FHIT: variants seen among roughly 807,000 people sequenced by gnomAD.
FHIT encodes the protein bis(5'-adenosyl)-triphosphatase.
In FHIT, 19 loss-of-function variants were observed where a neutral mutation model predicts 17.9. The ratio of observed to expected loss-of-function variants is 1.06; its 90% confidence interval spans 0.74 to 1.56. The LOEUF (loss-of-function observed/expected upper bound fraction) is 1.56. Among genes scored for constraint, FHIT ranks in the 40% most tolerant of loss-of-function variants. The pLI is 0.00. For synonymous variants in FHIT, 81 were observed against 69.7 expected (o/e 1.16, Z -0.81); for missense variants, 248 against 189.2 (o/e 1.31, Z -1.82).
intron 4 of FHIT, among the ~76,000 whole-genome samples, chr3:60,721,337 A>G (rs565633165): frequency 6.6e-6 from 1 of 152,250 alleles, no homozygotes; most frequent in Admixed American, 6.5e-5. Flanking sequence ...TGTATGTCTC[A>G]CTCATTTTGA....
At chr3:60,186,537 T>C (rs926746853) in intron 5 of FHIT, among the ~76,000 whole-genome samples, 4 of 152,198 alleles carry the variant, frequency 2.6e-5, no homozygotes, top group African/African-American at 9.6e-5. Flanking sequence ...GGCAGGGCAA[T>C]GTCATCACTA....
At chr3:60,929,247 C>T (rs1175446935) in intron 3 of FHIT, among the ~76,000 whole-genome samples, 3 of 152,172 alleles carry the variant, frequency 2.0e-5, no homozygotes, top group Non-Finnish European at 4.4e-5. Flanking sequence ...AAACCCACAG[C>T]CAATATCATA....
chr3:60,730,016 A>G, intron 4 of FHIT: 1 of 366,698 alleles, frequency 2.7e-6, no homozygotes, highest in South Asian at 2.6e-5. Flanking sequence ...GTAAACAGTA[A>G]ACTATGAGTT....
At chr3:60,845,493 C>T (rs782646365) in intron 3 of FHIT, among the ~76,000 whole-genome samples, 5 of 152,060 alleles carry the variant, frequency 3.3e-5, no homozygotes, top group Non-Finnish European at 7.4e-5. Context: ...ATTTTAAGGA[C>T]AGTTGCCATG....
At chr3:59,826,836 C>T (rs1469286526) in intron 8 of FHIT, among the ~76,000 whole-genome samples, 2 of 152,272 alleles carry the variant, frequency 1.3e-5, no homozygotes, top group Non-Finnish European at 2.9e-5. Context: ...TTGATAATTA[C>T]TGCAAGTCTT....
intron 5 of FHIT, among the ~76,000 whole-genome samples, chr3:60,504,443 A>T (rs56360525): frequency 0.015 from 2,132 of 140,380 alleles, 20 homozygotes; most frequent in Non-Finnish European, 0.024. Context: ...AAAAAAAAAA[A>T]TTTTTTTTTT....
chr3:59,789,612 C>G (rs1375174016), intron 8 of FHIT, among the ~76,000 whole-genome samples: 1 of 152,134 alleles, frequency 6.6e-6, no homozygotes, highest in Non-Finnish European at 1.5e-5. Context: ...CTCGTTTTGT[C>G]TTGTGGAAAA....
Position 60,540,227 on chromosome 3 carries a change from A to G in FHIT, c.-17-3248T>C, listed in dbSNP as rs937118645. ...CGCCCTGGGAGAGCATGGAAGTTCC[A>G]TGCTCTTTCCCCCATACCTCACCTT... On this transcript the variant is annotated intron_variant, in intron 4 of 9. Transcript: ENST00000492590. Among the ~76,000 whole-genome samples the G allele has an allele frequency of 7.2e-5, 11 of 152,310 alleles. No homozygotes were observed. In the South Asian group the frequency reaches 1.7e-3, roughly 23 times the overall value.
chr3:60,940,488 T>A (rs1257927905), intron 3 of FHIT, among the ~76,000 whole-genome samples: 3 of 152,146 alleles, frequency 2.0e-5, no homozygotes, highest in East Asian at 1.9e-4. Context: ...CTGGATTTTT[T>A]AAAAATGGGT....
chr3:60,511,631 G>A (rs78655616), intron 5 of FHIT, among the ~76,000 whole-genome samples: 8,853 of 152,140 alleles, frequency 0.058, 527 homozygotes, highest in East Asian at 0.25. Context: ...TAAAATATAT[G>A]TATACATATT....
At chr3:60,323,729 G>A (rs6446120) in intron 5 of FHIT, among the ~76,000 whole-genome samples, 1 of 151,968 alleles carries the variant, frequency 6.6e-6, no homozygotes, top group Non-Finnish European at 1.5e-5. Flanking sequence ...CATTCTATCT[G>A]TACCATAAAT....
intron 4 of FHIT, among the ~76,000 whole-genome samples, chr3:60,655,978 G>A (rs997685849): frequency 6.6e-6 from 1 of 152,162 alleles, no homozygotes; most frequent in Non-Finnish European, 1.5e-5. Context: ...AACAGCCTGG[G>A]TAAACTTATT....
At chr3:60,976,389 G>T (rs534399113) in intron 3 of FHIT, among the ~76,000 whole-genome samples, 1 of 151,916 alleles carries the variant, frequency 6.6e-6, no homozygotes, top group African/African-American at 2.4e-5. Context: ...TTCCAGGCGT[G>T]AGCCACCACA....
intron 2 of FHIT, among the ~76,000 whole-genome samples, chr3:61,137,885 C>T (rs2036962377): frequency 6.6e-6 from 1 of 152,232 alleles, no homozygotes; most frequent in African/African-American, 2.4e-5. Context: ...GTCTTTTAAT[C>T]TGCATATCTC....
intron 4 of FHIT, among the ~76,000 whole-genome samples, chr3:60,811,573 T>C (rs1701572336): frequency 6.6e-6 from 1 of 152,192 alleles, no homozygotes; most frequent in Non-Finnish European, 1.5e-5. Flanking sequence ...AAATAGTTTA[T>C]AAGCTACCCT....
intron 5 of FHIT, among the ~76,000 whole-genome samples, chr3:60,477,203 A>AT (rs558744857): frequency 0.01 from 1,494 of 148,116 alleles, 14 homozygotes; most frequent in African/African-American, 0.024. Flanking sequence ...TTCAAAATGG[A>AT]TTTTTTTTTT....
At chr3:61,151,740 G>C (rs893291067) in intron 2 of FHIT, among the ~76,000 whole-genome samples, 3 of 151,794 alleles carry the variant, frequency 2.0e-5, no homozygotes, top group African/African-American at 4.8e-5. Flanking sequence ...GCTGATTTTT[G>C]TATTTTCAGT....
chr3:61,107,060 T>C (rs2036013630), intron 2 of FHIT, among the ~76,000 whole-genome samples: 1 of 152,200 alleles, frequency 6.6e-6, no homozygotes, highest in South Asian at 2.1e-4. Flanking sequence ...TGTTGTACAA[T>C]AGATCTCTTT....
chr3:60,120,213 C>A (rs1379883783), intron 5 of FHIT, among the ~76,000 whole-genome samples: 2 of 152,186 alleles, frequency 1.3e-5, no homozygotes, highest in Admixed American at 1.3e-4. Flanking sequence ...TGTCTGTCCA[C>A]CCAACTGGAC....
Sources: gnomAD v4.1 joint callset for allele counts (sites outside exome capture counted in the v4.1 genomes callset) on GRCh38, gnomAD v4.1.1 for gene constraint, MANE v1.5 for transcripts, NCBI Gene and HGNC (gene_info 2026-07-23, HGNC 2026-07-21) for gene names.